The following NDST4 variants were observed in gnomAD, a reference collection of about 807,000 sequenced individuals.
NDST4 encodes N-heparan sulfate sulfotransferase 4.
NDST4 carries 63 observed loss-of-function variants against 100.8 expected under a neutral mutation model. The observed-to-expected ratio is 0.62, with a 90% confidence interval of 0.51 to 0.77. The LOEUF is 0.77. Ranked by LOEUF, NDST4 falls within the 30% of genes least tolerant of loss-of-function variation. The pLI is 0.00. For synonymous variants in NDST4, 377 were observed against 361.8 expected, an observed-to-expected ratio of 1.04 and a Z score of -0.48; for missense variants, 943 against 1,018.4, an observed-to-expected ratio of 0.93 and a Z score of 1.01.
intron 3 of NDST4, among the ~76,000 whole-genome samples, chr4:114,975,128 A>T (rs1382487952): frequency 6.6e-6 from 1 of 152,166 alleles, no homozygotes; most frequent in Non-Finnish European, 1.5e-5. Flanking sequence ...GATATCTGAA[A>T]GGGTATCACG....
chr4:114,850,545 C>A (rs116408595), intron 8 of NDST4, among the ~76,000 whole-genome samples: 3,031 of 152,232 alleles, frequency 0.02, 133 homozygotes, highest in South Asian at 0.18. Flanking sequence ...AATTTTCTAT[C>A]AATTTCTTTT....
intron 6 of NDST4, among the ~76,000 whole-genome samples, chr4:114,914,923 G>A (rs980729278): frequency 1.3e-5 from 2 of 152,086 alleles, no homozygotes; most frequent in African/African-American, 2.4e-5. Flanking sequence ...ACAGTGGTAG[G>A]TGGAGGTGGG....
intron 2 of NDST4, among the ~76,000 whole-genome samples, chr4:115,063,736 A>G (rs1388763793): frequency 6.6e-6 from 1 of 151,966 alleles, no homozygotes; most frequent in African/African-American, 2.4e-5. Flanking sequence ...GACTTCCCCC[A>G]GGGCTTTTAA....
intron 2 of NDST4, among the ~76,000 whole-genome samples, chr4:115,057,075 A>G (rs1157586136): frequency 1.3e-5 from 2 of 152,130 alleles, no homozygotes; most frequent in Admixed American, 6.6e-5. Flanking sequence ...ATGAATTTAC[A>G]TATGTAAGTA....
intron 2 of NDST4, among the ~76,000 whole-genome samples, chr4:115,007,262 T>A (rs2126258732): frequency 6.6e-6 from 1 of 152,294 alleles, no homozygotes; most frequent in Middle Eastern, 3.4e-3. Flanking sequence ...GCAGCTGTAG[T>A]ATGGTTAAAA....
At chr4:114,952,987 A>C (rs1226186956) in intron 4 of NDST4, among the ~76,000 whole-genome samples, 1 of 151,878 alleles carries the variant, frequency 6.6e-6, no homozygotes, top group Non-Finnish European at 1.5e-5. Context: ...AGGCTTTAAG[A>C]AAACCGGGCA....
intron 6 of NDST4, among the ~76,000 whole-genome samples, chr4:114,875,452 C>A (rs1163173057): frequency 2.6e-5 from 4 of 152,170 alleles, no homozygotes; most frequent in Non-Finnish European, 5.9e-5. Context: ...TGGAATAAAT[C>A]TGTTTAATGA....
chr4:115,054,864 C>T (rs1217459442), intron 2 of NDST4, among the ~76,000 whole-genome samples: 7 of 152,056 alleles, frequency 4.6e-5, no homozygotes, highest in African/African-American at 1.7e-4. Flanking sequence ...ATCCAGAACC[C>T]ATCTTTTGAC....
intron 7 of NDST4, among the ~76,000 whole-genome samples, chr4:114,855,456 A>C (rs4834446): frequency 0.99 from 151,467 of 152,296 alleles, 75,322 homozygotes; most frequent in Middle Eastern, 1. Context: ...TTGTGTACGG[A>C]GAGAGATAGG....
chr4:114,936,950 C>G (rs866632263), intron 5 of NDST4, among the ~76,000 whole-genome samples: 1 of 152,132 alleles, frequency 6.6e-6, no homozygotes, highest in Non-Finnish European at 1.5e-5. Flanking sequence ...ATCCATGCAG[C>G]CTTACTCTGC....
At chr4:114,965,121 C>T (rs1014811894) in intron 4 of NDST4, among the ~76,000 whole-genome samples, 3 of 151,862 alleles carry the variant, frequency 2.0e-5, no homozygotes, top group East Asian at 3.9e-4. Flanking sequence ...TGTAAATATC[C>T]TTTTCTTCTC....
intron 2 of NDST4, among the ~76,000 whole-genome samples, chr4:115,046,240 T>C (rs1728462134): frequency 6.6e-6 from 1 of 152,120 alleles, no homozygotes; most frequent in South Asian, 2.1e-4. Flanking sequence ...TGCCTCCCTA[T>C]GGCCTGTTCC....
chr4:115,104,699 TC>T (rs1360349261), intron 1 of NDST4, among the ~76,000 whole-genome samples: 3 of 152,108 alleles, frequency 2.0e-5, no homozygotes, highest in Non-Finnish European at 4.4e-5. Context: ...TGAAATTTGA[TC>T]CTTTAAGTTA....
At chr4:115,016,662 A>G (rs189467442) in intron 2 of NDST4, among the ~76,000 whole-genome samples, 1 of 152,160 alleles carries the variant, frequency 6.6e-6, no homozygotes, top group East Asian at 1.9e-4. Context: ...GTACTCCACA[A>G]TGGAGGAAAG....
chr4:114,893,087 T>C (rs1450568085), intron 6 of NDST4, among the ~76,000 whole-genome samples: 1 of 152,184 alleles, frequency 6.6e-6, no homozygotes, highest in Non-Finnish European at 1.5e-5. Flanking sequence ...TTCCTTTTTA[T>C]GGCTGCATAG....
intron 2 of NDST4, among the ~76,000 whole-genome samples, chr4:115,016,503 CA>C (rs1228912497): frequency 2.5e-4 from 38 of 152,146 alleles, no homozygotes; most frequent in African/African-American, 8.9e-4. Flanking sequence ...GAAATACTTC[CA>C]ACAGAAGACC....
At chr4:114,908,897 T>A (rs902017863) in intron 6 of NDST4, among the ~76,000 whole-genome samples, 1 of 152,160 alleles carries the variant, frequency 6.6e-6, no homozygotes, top group African/African-American at 2.4e-5. Context: ...TAAATTGGAA[T>A]ATATATATTT....
Position 115,076,343 on chromosome 4 carries a change from G to T in NDST4, c.694C>A (p.Pro232Thr). The stretch of plus-strand genomic sequence containing the variant: ...GTCTGTAACTCAGTTAAAAGTACAG[G>T]CTGGTAGGTTGAATGATTATATTGG... ...IFQYNHSTYQPVLLTELQTEK... is the reference protein window; with the variant it reads ...IFQYNHSTYQTVLLTELQTEK... The change falls in exon 2 of 14, where the codon CCT becomes ACT. Residue 232 changes from proline to threonine, a missense_variant. Physicochemically the swap from Pro to Thr is conservative, Grantham distance 38 (BLOSUM62 -1). Transcript: ENST00000264363. 1 of 1,614,002 alleles carries T rather than the reference G, an allele frequency of 6.2e-7. No individual in the cohort carries two copies. Among genetic ancestry groups the T allele is most frequent in the African/African-American group, 1.3e-5 (1 of 75,050 alleles).
chr4:114,997,758 A>T (rs950571323), intron 2 of NDST4, among the ~76,000 whole-genome samples: 12 of 152,210 alleles, frequency 7.9e-5, no homozygotes, highest in Middle Eastern at 3.4e-3. Context: ...TGAATACTCC[A>T]TTAGCTTGCT....
Sources: gnomAD v4.1 joint callset for allele counts (sites outside exome capture counted in the v4.1 genomes callset) on GRCh38, gnomAD v4.1.1 for gene constraint, MANE v1.5 for transcripts, NCBI Gene and HGNC (gene_info 2026-07-23, HGNC 2026-07-21) for gene names.